Variants in MAST2 observed in about 807,000 individuals in gnomAD.
MAST2 encodes microtubule-associated serine/threonine-protein kinase 2.
MAST2 carries 70 observed loss-of-function variants against 147.4 expected under a neutral mutation model. That is an observed-to-expected ratio of 0.47 (90% confidence interval 0.39 to 0.58). The LOEUF (loss-of-function observed/expected upper bound fraction) is 0.58, where lower values mean the gene tolerates loss of function less well. Ranked by LOEUF, MAST2 falls within the 20% of genes least tolerant of loss-of-function variation. MAST2 has a pLI of 0.00. For missense variants in MAST2, 2,080 were observed against 2,302.3 expected, an observed-to-expected ratio of 0.90 and a Z score of 1.98; for synonymous variants, 869 against 896.8, an observed-to-expected ratio of 0.97 and a Z score of 0.55.
At chr1:45,859,898 C>G (rs973622990) in intron 3 of MAST2, among the ~76,000 whole-genome samples, 8 of 152,082 alleles carry the variant, frequency 5.3e-5, no homozygotes, top group Non-Finnish European at 1.2e-4. Context: ...CCTGCTCTTT[C>G]TGTTCTTTTT....
At chr1:45,949,670 A>G (rs1477067056) in intron 4 of MAST2, among the ~76,000 whole-genome samples, 1 of 152,182 alleles carries the variant, frequency 6.6e-6, no homozygotes, top group Non-Finnish European at 1.5e-5. Context: ...TGATTCCTCA[A>G]AGAGCTAAAA....
At chr1:46,013,550 C>G (rs1425347547) in intron 10 of MAST2, among the ~76,000 whole-genome samples, 1 of 152,008 alleles carries the variant, frequency 6.6e-6, no homozygotes, top group Non-Finnish European at 1.5e-5. Context: ...CATGGTGACG[C>G]ACGCCTGTAA....
At chr1:46,030,329 G>A in intron 21 of MAST2, 91 bp downstream of exon 21, 1 of 1,317,726 alleles carries the variant, frequency 7.6e-7, no homozygotes, top group Non-Finnish European at 1.1e-6. Flanking sequence ...CAGGCTCAGG[G>A]AGTTGGGGTT....
chr1:45,833,832 C>G (rs759838862), intron 3 of MAST2, among the ~76,000 whole-genome samples: 3 of 149,374 alleles, frequency 2.0e-5, no homozygotes, highest in Admixed American at 6.7e-5. Flanking sequence ...CCAATTTCTT[C>G]TCTTTCCCAG....
At chr1:45,900,217 C>T (rs1201319496) in intron 4 of MAST2, among the ~76,000 whole-genome samples, 3 of 146,060 alleles carry the variant, frequency 2.1e-5, no homozygotes, top group Non-Finnish European at 4.5e-5. Context: ...GGGTAGATAG[C>T]CAGTAGTGGG....
In MAST2 at chr1:46,029,867, C is replaced by T. The variant is rs753678498; in HGVS notation, c.2357C>T (p.Thr786Ile). 2.0e-5 allele frequency: 33 copies of T among 1,614,218 alleles called. No homozygotes were observed. Among genetic ancestry groups the T allele is most frequent in the Non-Finnish European group, 2.7e-5 (32 of 1,180,030 alleles). The change falls in exon 20 of 29, where the codon ACT becomes ATT. Residue 786 changes from threonine (T) to isoleucine (I), a missense_variant. Physicochemically the swap from Thr to Ile is moderately conservative, Grantham distance 89. Transcript: ENST00000361297. Reference sequence around the variant, plus strand: ...GAGGTGAAGCAGCACCCATTCTTTACTGGTCTGGACTGGACAGGACTTCTC... The same window carrying T: ...GAGGTGAAGCAGCACCCATTCTTTATTGGTCTGGACTGGACAGGACTTCTC... ...AYEVKQHPFFTGLDWTGLLRQ... is the reference protein window; with the variant it reads ...AYEVKQHPFFIGLDWTGLLRQ...
chr1:45,948,014 C>T (rs1658337254), intron 4 of MAST2, among the ~76,000 whole-genome samples: 1 of 152,144 alleles, frequency 6.6e-6, no homozygotes, highest in Non-Finnish European at 1.5e-5. Flanking sequence ...CTGCGCCTGG[C>T]CCCAAAAGCT....
Position 46,035,060 on chromosome 1 carries a change from T to C in MAST2, c.4391T>C (p.Leu1464Pro). 6.2e-7 allele frequency: 1 copy of C among 1,613,738 alleles called. No individual in the cohort carries two copies. The highest frequency in any genetic ancestry group is 8.5e-7 in the Non-Finnish European group (1 of 1,179,956). ...AGTGTGCTGTCTGGCAAGGGGGCCC[T>C]GCCAGGGAAGGGGGTGCTGCAGCCT... ...ARSVLSGKGA[L>P]PGKGVLQPAP... The change falls in exon 29 of 29, where the codon CTG becomes CCG. Residue 1464 changes from leucine to proline, a missense_variant. By Grantham distance (98) the Leu-to-Pro change is moderately conservative. This residue lies in a region of MAST2 where 1,278 missense variants were observed against 1,304.2 expected (regional missense o/e 0.98). Coordinates refer to ENST00000361297, the MANE Select transcript of MAST2 (RefSeq NM_015112.3). The surrounding 1 kb of genome is among the most constrained non-coding windows in gnomAD (Gnocchi z 5.5).
chr1:45,958,564 C>T (rs1659979976), intron 4 of MAST2, among the ~76,000 whole-genome samples: 2 of 151,498 alleles, frequency 1.3e-5, no homozygotes, highest in Admixed American at 6.6e-5. Flanking sequence ...CTCCCTCTCT[C>T]TCCCTCTTTC....
intron 9 of MAST2, among the ~76,000 whole-genome samples, chr1:46,009,557 C>T (rs1015627168): frequency 4.6e-5 from 7 of 152,120 alleles, no homozygotes; most frequent in Admixed American, 2.6e-4. Context: ...TTCATTTTGA[C>T]GTATATGGTG....
At chr1:45,827,502 T>C (rs1260706038) in intron 2 of MAST2, among the ~76,000 whole-genome samples, 4 of 152,150 alleles carry the variant, frequency 2.6e-5, no homozygotes, top group Non-Finnish European at 5.9e-5. Flanking sequence ...TTTGTGTAAA[T>C]AGGATAAGTT....
rs35427966 is a variant in MAST2, at chr1:45,850,836, CTT to C, written c.468+21274_468+21275del. On this transcript the variant is annotated intron_variant, in intron 3 of 28. Coordinates refer to ENST00000361297, the MANE Select transcript of MAST2 (RefSeq NM_015112.3). ...TGTCTGCTTTTGTACCAGTACTATG[CTT>C]TTTTTTTTTTTTTTTTTTAAACACT... Among the ~76,000 whole-genome samples the C allele has an allele frequency of 4.6e-3, 522 of 113,538 alleles. 3 individuals carry two copies. The highest frequency in any genetic ancestry group is 0.024 in the East Asian group (98 of 4,016). The allele number at this position is 113,538 out of a possible 152,430, so 74.5% of individuals were successfully genotyped here.
intron 1 of MAST2, among the ~76,000 whole-genome samples, chr1:45,818,289 C>G (rs549610833): frequency 2.6e-5 from 4 of 152,180 alleles, no homozygotes; most frequent in Admixed American, 6.5e-5. Flanking sequence ...ATCAGACTGA[C>G]AGCAGACCAC....
intron 4 of MAST2, among the ~76,000 whole-genome samples, chr1:45,898,218 TC>T (rs2148459312): frequency 6.6e-6 from 1 of 152,254 alleles, no homozygotes; most frequent in East Asian, 1.9e-4. Context: ...ACTAGCATCC[TC>T]CCCATCCCCT....
intron 10 of MAST2, among the ~76,000 whole-genome samples, chr1:46,011,568 G>T (rs1001779703): frequency 6.6e-5 from 10 of 152,316 alleles, no homozygotes; most frequent in African/African-American, 2.2e-4. Flanking sequence ...CTTGATTAAG[G>T]TGGCCAGATG....
chr1:45,813,454 C>CA (rs1644362394), intron 1 of MAST2, among the ~76,000 whole-genome samples: 1 of 151,336 alleles, frequency 6.6e-6, no homozygotes, highest in South Asian at 2.1e-4. Flanking sequence ...CTCAGCCTCC[C>CA]AAGTAACTAG....
chr1:45,815,427 C>T (rs1644423100), intron 1 of MAST2, among the ~76,000 whole-genome samples: 1 of 152,100 alleles, frequency 6.6e-6, no homozygotes, highest in Non-Finnish European at 1.5e-5. Context: ...TCCTCAGCCT[C>T]CCTAAGTGCT....
chr1:46,021,891 G>A, intron 11 of MAST2, 59 bp from the exon 12 acceptor site: 2 of 1,586,980 alleles, frequency 1.3e-6, no homozygotes, highest in Non-Finnish European at 1.7e-6. Flanking sequence ...TAAAACCAAA[G>A]ATGCCAGCAG....
intron 4 of MAST2, among the ~76,000 whole-genome samples, chr1:45,884,810 G>C (rs183568059): frequency 6.6e-6 from 1 of 152,132 alleles, no homozygotes; most frequent in African/African-American, 2.4e-5. Flanking sequence ...AACAAATTAT[G>C]TGTGGCTTTA....
Sources: gnomAD v4.1 joint callset for allele counts (sites outside exome capture counted in the v4.1 genomes callset) on GRCh38, gnomAD v4.1.1 for gene constraint, gnomAD v4.1.1 regional missense constraint, Gnocchi (gnomAD v3.1) non-coding constraint, MANE v1.5 for transcripts, NCBI Gene and HGNC (gene_info 2026-07-23, HGNC 2026-07-21) for gene names.